OLA1: variants seen among roughly 807,000 people sequenced by gnomAD.
The protein encoded by OLA1 is obg-like ATPase 1.
In OLA1, 14 loss-of-function variants were observed where a neutral mutation model predicts 48.4. The ratio of observed to expected loss-of-function variants is 0.29; its 90% CI spans 0.19 to 0.45. The LOEUF is 0.45. OLA1 is among the 20% of genes least tolerant of loss of function. The probability of loss-of-function intolerance (pLI) is 1.00; values close to 1 mark genes in which losing one functional copy is unlikely to be tolerated. For synonymous variants in OLA1, 127 were observed against 150.4 expected, an observed-to-expected ratio of 0.84 and a Z score of 1.14; for missense variants, 325 against 467.1, an observed-to-expected ratio of 0.70 and a Z score of 2.80.
At chr2:174,222,902 A>G in intron 4 of OLA1, 131 bp downstream of exon 4, 2 of 933,192 alleles carry the variant, frequency 2.1e-6, no homozygotes, top group Non-Finnish European at 1.6e-6. Flanking sequence ...ACAGATTTAC[A>G]GACAAACCCA....
chr2:174,238,034 T>A (rs1258200953), intron 2 of OLA1, among the ~76,000 whole-genome samples: 1 of 152,222 alleles, frequency 6.6e-6, no homozygotes, highest in African/African-American at 2.4e-5. Context: ...AACATCATTA[T>A]GCAGCACTTG....
chr2:174,081,178 C>T lies in OLA1; in HGVS notation c.940G>A (p.Asp314Asn). 6.2e-7 allele frequency: 1 copy of T among 1,612,326 alleles called. No homozygotes were observed. Among genetic ancestry groups the T allele is most frequent in the South Asian group, 1.1e-5 (1 of 91,020 alleles). ...CTGATGGTCCATGCACGCACTTCAT[C>T]TGGGCCTGCAGTGAAAAAGTATTCT... ...QLEYFFTAGP[D>N]EVRAWTIRKG... Residue 314 changes from aspartate (D) to asparagine (N), a missense_variant, in exon 9 of 11, where the codon GAT becomes AAT. Transcript: ENST00000284719.
intron 4 of OLA1, among the ~76,000 whole-genome samples, chr2:174,202,614 T>C (rs1311670607): frequency 6.6e-6 from 1 of 152,188 alleles, no homozygotes; most frequent in Non-Finnish European, 1.5e-5. Context: ...CAACGAAATG[T>C]TGAATTGGAC....
At chr2:174,169,438 CA>C (rs907541301) in intron 4 of OLA1, among the ~76,000 whole-genome samples, 89 of 151,900 alleles carry the variant, frequency 5.9e-4, no homozygotes, top group African/African-American at 2.1e-3. Context: ...TTGAAAGAAG[CA>C]AAAAAAGTTT....
In OLA1 at chr2:174,123,580, A is replaced by G; in HGVS notation, c.630+15T>C. ...AGCAAAGGCAGTAATAGATGGCATG[A>G]TATTTACAACTTACCTCTTTGTCAT... On this transcript the variant is annotated intron_variant, in intron 6 of 10. Coordinates refer to ENST00000284719, the MANE Select transcript of OLA1 (RefSeq NM_013341.5). 2 of 1,501,000 alleles carry G rather than the reference A, an allele frequency of 1.3e-6. No homozygotes were observed. Among genetic ancestry groups the G allele is most frequent in the African/African-American group, 1.4e-5 (1 of 71,542 alleles). The allele number at this position is 1,501,000 out of a possible 1,614,324, so 93.0% of individuals were successfully genotyped here.
intron 4 of OLA1, among the ~76,000 whole-genome samples, chr2:174,165,987 T>A (rs1558985710): frequency 6.6e-6 from 1 of 151,924 alleles, no homozygotes; most frequent in African/African-American, 2.4e-5. Flanking sequence ...TAGCCGGACA[T>A]GGTGGCATGT....
At chr2:174,175,681 C>T (rs1241478325) in intron 4 of OLA1, among the ~76,000 whole-genome samples, 1 of 151,978 alleles carries the variant, frequency 6.6e-6, no homozygotes, top group Non-Finnish European at 1.5e-5. Context: ...GCTAAACATA[C>T]AGTTACCATA....
chr2:174,217,201 G>A (rs1688381713), intron 4 of OLA1, among the ~76,000 whole-genome samples: 1 of 151,908 alleles, frequency 6.6e-6, no homozygotes, highest in Admixed American at 6.6e-5. Flanking sequence ...AAATGTTAAG[G>A]CTCAAAAATA....
chr2:174,126,846 T>C (rs984337610), intron 5 of OLA1, among the ~76,000 whole-genome samples: 1 of 152,224 alleles, frequency 6.6e-6, no homozygotes, highest in Non-Finnish European at 1.5e-5. Context: ...AAAGCATATG[T>C]ATACTTTTTC....
chr2:174,247,081 C>T (rs574256280), intron 1 of OLA1: 1 of 228,264 alleles, frequency 4.4e-6, no homozygotes, highest in Non-Finnish European at 8.5e-6. Flanking sequence ...TTGGGCCGGG[C>T]ACGGTGGCTC....
chr2:174,247,739 T>C, intron 1 of OLA1: 3 of 1,551,076 alleles, frequency 1.9e-6, no homozygotes, highest in Non-Finnish European at 2.6e-6. Flanking sequence ...TCAGTCCTCA[T>C]AAGCAACCTC....
chr2:174,123,640 A>G lies in OLA1; in HGVS notation c.585T>C (p.Asp195=). The G allele has an allele frequency of 6.3e-7, 1 of 1,598,128 alleles. No individual in the cohort carries two copies. The highest frequency in any genetic ancestry group is 8.5e-7 in the Non-Finnish European group (1 of 1,173,726). The change falls in exon 6 of 11, where the codon GAT becomes GAC. Residue 195 remains aspartate (D), a synonymous_variant. Coordinates refer to ENST00000284719, the MANE Select transcript of OLA1 (RefSeq NM_013341.5). The part of the protein sequence containing the change: ...IMCKVKSWVI[D]QKKPVRFYHD... ...GATAGAAGCGAACAGGTTTCTTTTG[A>G]TCTATAACCCAGGATTTTACTTTGC...
chr2:174,213,094 G>A (rs757055961), intron 4 of OLA1, among the ~76,000 whole-genome samples: 5 of 152,130 alleles, frequency 3.3e-5, no homozygotes, highest in South Asian at 2.1e-4. Context: ...CACCATCACC[G>A]TCAAACACAC....
At chr2:174,140,138 C>G (rs927149616) in intron 5 of OLA1, among the ~76,000 whole-genome samples, 5 of 152,046 alleles carry the variant, frequency 3.3e-5, no homozygotes, top group Admixed American at 2.0e-4. Flanking sequence ...TTTAAATGAA[C>G]AGGAAGAATC....
At chr2:174,135,859 A>G (rs1234939207) in intron 5 of OLA1, among the ~76,000 whole-genome samples, 15 of 152,250 alleles carry the variant, frequency 9.9e-5, no homozygotes, top group African/African-American at 3.1e-4. Flanking sequence ...TAAAGTGAGT[A>G]TCGCTATAAA....
chr2:174,123,506 T>G lies in OLA1; in HGVS notation c.630+89A>C, dbSNP rs746397224. On this transcript the variant is annotated intron_variant, in intron 6 of 10. Transcript: ENST00000284719. ...GACAGAAATAAAAATTTAGATATAA[T>G]GGTAAGTGTAAAATAACAACAACTC... The G allele has an allele frequency of 1.7e-3, 1,312 of 781,688 alleles. 5 individuals are homozygous for G. Among genetic ancestry groups the G allele is most frequent in the Non-Finnish European group, 1.1e-3 (560 of 487,724 alleles). 48.4% of individuals were successfully genotyped at this position (781,688 alleles called of 1,614,324 possible).
chr2:174,124,662 CTAAAGA>C (rs999477873), intron 5 of OLA1, among the ~76,000 whole-genome samples: 2 of 152,084 alleles, frequency 1.3e-5, no homozygotes, highest in Admixed American at 1.3e-4. Context: ...GTTGTTGTTA[CTAAAGA>C]TAATTTATGG....
At chr2:174,200,617 T>G (rs748239936) in intron 4 of OLA1, among the ~76,000 whole-genome samples, 2 of 152,162 alleles carry the variant, frequency 1.3e-5, no homozygotes, top group African/African-American at 4.8e-5. Context: ...TATGGATAAC[T>G]GCAATGGACG....
intron 4 of OLA1, among the ~76,000 whole-genome samples, chr2:174,159,775 G>C (rs533078734): frequency 1.3e-5 from 2 of 149,826 alleles, no homozygotes; most frequent in African/African-American, 2.5e-5. Flanking sequence ...TAGAATGTCT[G>C]AGAGAACATC....
Sources: allele counts gnomAD v4.1 joint callset (sites outside exome capture counted in the v4.1 genomes callset), GRCh38; gene constraint gnomAD v4.1.1; transcripts MANE v1.5; gene names NCBI Gene and HGNC (gene_info 2026-07-23, HGNC 2026-07-21).